AKAP19: variants seen among roughly 807,000 people sequenced by gnomAD.
AKAP19 encodes small A-kinase anchoring protein.
chr2:189,923,541 G>T, the AKAP19 span: 1 of 1,613,924 alleles, frequency 6.2e-7, no homozygotes. Flanking sequence ...GCTGTAGCAG[G>T]AGAGGATGGC....
the AKAP19 span, among the ~76,000 whole-genome samples, chr2:190,104,550 G>C: frequency 2.0e-5 from 3 of 152,110 alleles, no homozygotes; most frequent in Admixed American, 6.6e-5. Context: ...TAGAAATTTG[G>C]GTGGCCAAGA....
chr2:189,955,968 G>T, the AKAP19 span, among the ~76,000 whole-genome samples: 2 of 151,852 alleles, frequency 1.3e-5, no homozygotes, highest in Non-Finnish European at 2.9e-5. Context: ...TTTTTTCTGG[G>T]TTTTTTTGCC....
chr2:190,062,306 C>G, the AKAP19 span: 12 of 1,613,342 alleles, frequency 7.4e-6, no homozygotes, highest in Non-Finnish European at 1.0e-5. Flanking sequence ...TGTCATCCCT[C>G]TGGACATCAT....
the AKAP19 span, among the ~76,000 whole-genome samples, chr2:190,179,881 G>A: frequency 1.3e-5 from 2 of 152,156 alleles, no homozygotes; most frequent in African/African-American, 2.4e-5. This position sits in a 1 kb window ranked among gnomAD's most constrained non-coding sequence, Gnocchi z 6.0. Flanking sequence ...GGAAAATAAT[G>A]GTTCTTTTGT....
the AKAP19 span, among the ~76,000 whole-genome samples, chr2:189,997,240 C>T: frequency 3.3e-5 from 5 of 152,176 alleles, no homozygotes; most frequent in African/African-American, 1.2e-4. Context: ...GAGGCACTTT[C>T]AAGACAGCAC....
chr2:190,069,136 ATGTGTGTG>A, the AKAP19 span, among the ~76,000 whole-genome samples: 2,200 of 127,708 alleles, frequency 0.017, 19 homozygotes, highest in Non-Finnish European at 0.022. Flanking sequence ...GTGCATGCAT[ATGTGTGTG>A]TGTGTGTGTG....
the AKAP19 span, chr2:189,923,274 C>A: frequency 1.3e-6 from 2 of 1,497,618 alleles, no homozygotes; most frequent in South Asian, 1.2e-5. Flanking sequence ...GACTCAGAAT[C>A]GAATCTCTTC....
chr2:189,963,431 G>A, the AKAP19 span, among the ~76,000 whole-genome samples: 2 of 152,040 alleles, frequency 1.3e-5, no homozygotes, highest in African/African-American at 4.8e-5. Flanking sequence ...TCCTGACCTC[G>A]TGATCTGCCT....
At chr2:190,181,017 G>A in the AKAP19 span, 1 of 985,496 alleles carries the variant, frequency 1.0e-6, no homozygotes, top group Non-Finnish European at 1.2e-6. Context: ...GGGAGCTTCG[G>A]AGACCCGCCC....
chr2:190,140,955 C>T, the AKAP19 span, among the ~76,000 whole-genome samples: 2 of 152,134 alleles, frequency 1.3e-5, no homozygotes, highest in Non-Finnish European at 2.9e-5. Context: ...AGGTACCCTA[C>T]GTCATCTCTC....
At chr2:190,072,414 T>A in the AKAP19 span, among the ~76,000 whole-genome samples, 1 of 151,984 alleles carries the variant, frequency 6.6e-6, no homozygotes, top group Non-Finnish European at 1.5e-5. Flanking sequence ...AAAATAAAAG[T>A]TGAAATAAAA....
chr2:190,010,396 TG>T, the AKAP19 span, among the ~76,000 whole-genome samples: 2 of 152,070 alleles, frequency 1.3e-5, no homozygotes, highest in African/African-American at 4.8e-5. Context: ...AGAGATACAG[TG>T]GGATAATAGT....
chr2:190,113,635 C>T, the AKAP19 span, among the ~76,000 whole-genome samples: 2 of 152,108 alleles, frequency 1.3e-5, no homozygotes, highest in Non-Finnish European at 2.9e-5. Flanking sequence ...CATGGATAAC[C>T]GTTAATCAAT....
the AKAP19 span, among the ~76,000 whole-genome samples, chr2:189,881,237 T>G: frequency 6.6e-6 from 1 of 152,312 alleles, no homozygotes; most frequent in Middle Eastern, 3.4e-3. Context: ...TTGGGGCTCC[T>G]AAATCACTAA....
the AKAP19 span, among the ~76,000 whole-genome samples, chr2:189,990,953 T>C: frequency 1.3e-5 from 2 of 152,180 alleles, no homozygotes; most frequent in Non-Finnish European, 2.9e-5. Context: ...AGTGAGAACA[T>C]ACAATGTTTG....
chr2:190,000,666 AC>A, the AKAP19 span, among the ~76,000 whole-genome samples: 3 of 152,044 alleles, frequency 2.0e-5, no homozygotes, highest in Non-Finnish European at 4.4e-5. Flanking sequence ...TTTTTGGTTG[AC>A]TTTTTTTTCT....
chr2:190,049,720 C>A, the AKAP19 span, among the ~76,000 whole-genome samples: 87 of 152,338 alleles, frequency 5.7e-4, no homozygotes, highest in African/African-American at 2.0e-3. Flanking sequence ...AGTTCCCTTA[C>A]ATCTGAACTT....
the AKAP19 span, chr2:190,055,697 TTG>T: frequency 1.3e-5 from 2 of 152,160 alleles, no homozygotes; most frequent in Non-Finnish European, 2.9e-5. Flanking sequence ...ATAAAAACTG[TTG>T]TGTCTTTCAA....
chr2:190,203,466 A>C, the AKAP19 span: 1 of 166,140 alleles, frequency 6.0e-6, no homozygotes, highest in East Asian at 1.9e-4. Context: ...CTGCACAATA[A>C]AAGTCCAGTT....
Sources: allele counts gnomAD v4.1 joint callset (sites outside exome capture counted in the v4.1 genomes callset), GRCh38; gene constraint gnomAD v4.1.1; non-coding constraint Gnocchi (gnomAD v3.1); transcripts MANE v1.5; gene names NCBI Gene and HGNC (gene_info 2026-07-23, HGNC 2026-07-21).